The following DGKD variants were observed in gnomAD, a reference collection of about 807,000 sequenced individuals.
DGKD encodes DAG kinase delta.
Under a neutral mutation model 154.4 loss-of-function variants are expected in DGKD, and 68 were observed. That is an observed-to-expected ratio of 0.44 (90% CI 0.36 to 0.54). The LOEUF (loss-of-function observed/expected upper bound fraction) is 0.54. Ranked by LOEUF, DGKD falls within the 20% of genes least tolerant of loss-of-function variation. The pLI is 0.00. For missense variants in DGKD, 1,343 were observed against 1,593.6 expected (o/e 0.84, Z 2.68); for synonymous variants, 693 against 638.0 (o/e 1.09, Z -1.30).
chr2:233,359,704 C>T (rs1701691926), intron 1 of DGKD, among the ~76,000 whole-genome samples: 1 of 152,128 alleles, frequency 6.6e-6, no homozygotes, highest in African/African-American at 2.4e-5. Context: ...TTTTGTATTT[C>T]ACTGGTTCAG....
intron 1 of DGKD, among the ~76,000 whole-genome samples, chr2:233,385,511 G>A (rs1240234716): frequency 2.0e-5 from 3 of 152,180 alleles, no homozygotes; most frequent in Non-Finnish European, 4.4e-5. Context: ...ACGACAGTTG[G>A]CCCTTTTGTT....
chr2:233,395,046 T>C (rs1703917403), intron 3 of DGKD, among the ~76,000 whole-genome samples: 1 of 152,180 alleles, frequency 6.6e-6, no homozygotes, highest in Non-Finnish European at 1.5e-5. Flanking sequence ...ATCTGTCTTA[T>C]TTTAGTCAGA....
chr2:233,376,782 G>A (rs1221091844), intron 1 of DGKD, among the ~76,000 whole-genome samples: 2 of 152,066 alleles, frequency 1.3e-5, no homozygotes, highest in Admixed American at 1.3e-4. Flanking sequence ...TGGATTAAAT[G>A]AGTAATCTTT....
At chr2:233,391,326 TA>T (rs1277340810) in intron 3 of DGKD, among the ~76,000 whole-genome samples, 1 of 152,208 alleles carries the variant, frequency 6.6e-6, no homozygotes, top group Non-Finnish European at 1.5e-5. Context: ...CTACAGTGTT[TA>T]TCTTTATTTC....
intron 1 of DGKD, among the ~76,000 whole-genome samples, chr2:233,371,186 C>T (rs987596382): frequency 1.3e-5 from 2 of 152,104 alleles, no homozygotes; most frequent in Non-Finnish European, 2.9e-5. Flanking sequence ...CATGAGAGTT[C>T]TGATGTTTCC....
chr2:233,415,707 T>C (rs2061943427), intron 3 of DGKD, among the ~76,000 whole-genome samples: 1 of 152,208 alleles, frequency 6.6e-6, no homozygotes, highest in African/African-American at 2.4e-5. Flanking sequence ...CATTGCAGCT[T>C]TGACCTCCTG....
chr2:233,373,146 G>T (rs1254887192), intron 1 of DGKD, among the ~76,000 whole-genome samples: 3 of 152,222 alleles, frequency 2.0e-5, no homozygotes, highest in Non-Finnish European at 4.4e-5. Flanking sequence ...AATGTGCATG[G>T]CTCTCAATGC....
chr2:233,417,721 A>G (rs2061993774), intron 3 of DGKD, among the ~76,000 whole-genome samples: 1 of 152,220 alleles, frequency 6.6e-6, no homozygotes, highest in African/African-American at 2.4e-5. Flanking sequence ...TCTAGATTAA[A>G]CACTATTATA....
At chr2:233,429,709 G>A (rs2062443345) in intron 3 of DGKD, among the ~76,000 whole-genome samples, 2 of 152,246 alleles carry the variant, frequency 1.3e-5, no homozygotes, top group South Asian at 4.1e-4. Context: ...TGTTTGTGGT[G>A]CTCTCAAGCT....
At position 233,360,514 on chromosome 2, in the gene DGKD, T is replaced by C. The variant is rs902712589; in HGVS notation, c.156+5840T>C. Among the ~76,000 whole-genome samples, 7 of 152,134 alleles carry C rather than the reference T, an allele frequency of 4.6e-5. No homozygotes were observed. The East Asian group carries it at 9.6e-4, about 21-fold the overall frequency. ...CTCAAGCGATCCTCCCCCTTTGGCTTCCCAAAGTGCTAGAATTACAGACAT... is the reference window on the plus strand; with the variant it reads ...CTCAAGCGATCCTCCCCCTTTGGCTCCCCAAAGTGCTAGAATTACAGACAT... On this transcript the variant is annotated intron_variant, in intron 1 of 29. Coordinates refer to ENST00000264057, the MANE Select transcript of DGKD (RefSeq NM_152879.3).
chr2:233,447,784 T>C, intron 12 of DGKD: 1 of 1,132,332 alleles, frequency 8.8e-7, no homozygotes. Flanking sequence ...GCTGTCAGGA[T>C]GAGTAGGGGT....
Position 233,459,659 on chromosome 2 carries a change from G to T in DGKD, c.2695-98G>T. On this transcript the variant is annotated intron_variant, in intron 22 of 29. Coordinates refer to ENST00000264057, the MANE Select transcript of DGKD (RefSeq NM_152879.3). The surrounding 1 kb of genome is among the most constrained non-coding windows in gnomAD (Gnocchi z 5.7). ...GTGGGGTGTCCTGCAAGGCAGGGAC[G>T]GGTGTGTGGAGCAGGAAGGTCATGG... The T allele has an allele frequency of 2.0e-6, 3 of 1,491,600 alleles. No individual in the cohort carries two copies. Among genetic ancestry groups the T allele is most frequent in the East Asian group, 4.6e-5 (2 of 43,666 alleles). 92.4% of individuals were successfully genotyped at this position (1,491,600 alleles called of 1,614,324 possible).
chr2:233,375,898 C>T (rs1328434164), intron 1 of DGKD, among the ~76,000 whole-genome samples: 2 of 152,144 alleles, frequency 1.3e-5, no homozygotes, highest in East Asian at 3.8e-4. Flanking sequence ...TGTCAAGTAT[C>T]CCTCTGATGG....
Position 233,449,925 on chromosome 2 carries a change from G to T in DGKD, c.1889-57G>T. The stretch of plus-strand genomic sequence containing the variant: ...GGATGAGGGGCCCTCCACCCAGCCT[G>T]ACAGCGCCCTTGGCTTTGCACCCGC... On this transcript the variant is annotated intron_variant, in intron 15 of 29. Coordinates refer to ENST00000264057, the MANE Select transcript of DGKD (RefSeq NM_152879.3). This position sits in a 1 kb window ranked among gnomAD's most constrained non-coding sequence, Gnocchi z 5.3. The T allele has an allele frequency of 6.6e-7, 1 of 1,516,324 alleles. No individual in the cohort carries two copies. The highest frequency in any genetic ancestry group is 1.3e-5 in the South Asian group (1 of 75,844). The allele number at this position is 1,516,324 out of a possible 1,614,324, so 93.9% of individuals were successfully genotyped here. A position where few individuals can be genotyped will look rare whatever the true frequency, so the allele number is the denominator to read the frequency against.
At chr2:233,466,063 A>G (rs1022589345) in intron 27 of DGKD, among the ~76,000 whole-genome samples, 5 of 152,156 alleles carry the variant, frequency 3.3e-5, no homozygotes, top group Non-Finnish European at 1.5e-5. Context: ...CCAAATAATA[A>G]GCATCTAAAT....
At chr2:233,386,215 G>A in intron 1 of DGKD, 1 of 330,022 alleles carries the variant, frequency 3.0e-6, no homozygotes, top group South Asian at 2.4e-5. Context: ...CCCCACAAAG[G>A]TAAGGAAGAT....
In DGKD at chr2:233,449,774, T is replaced by G. The variant is rs1468203722; in HGVS notation, c.1889-208T>G. ...CCTTCCCCTGCAAGGGTTCCAGACC[T>G]CCCAGCCTGTTAGCAGGGACGCCCT... On this transcript the variant is annotated intron_variant, in intron 15 of 29. Transcript: ENST00000264057. The surrounding 1 kb of genome is among the most constrained non-coding windows in gnomAD (Gnocchi z 5.3). 2.0e-5 allele frequency among the ~76,000 whole-genome samples: 3 copies of G among 151,750 alleles called. No individual in the cohort carries two copies. The highest frequency in any genetic ancestry group is 1.3e-4 in the Admixed American group (2 of 15,270).
rs192404555 is a variant in DGKD at position 233,438,973 on chromosome 2, G to A, written c.1085+594G>A. ...CAAGGCAGGAACACGTAAGGGCGGC[G>A]TTGGGCCAGAGCGATTTCCACTGTG... On this transcript the variant is annotated intron_variant, in intron 9 of 29. Coordinates refer to ENST00000264057, the MANE Select transcript of DGKD (RefSeq NM_152879.3). This position sits in a 1 kb window ranked among gnomAD's most constrained non-coding sequence, Gnocchi z 4.1. Among the ~76,000 whole-genome samples the A allele has an allele frequency of 3.0e-3, 461 of 152,372 alleles. 1 individual carries two copies. The highest frequency in any genetic ancestry group is 3.7e-3 in the African/African-American group (154 of 41,588).
In DGKD at chr2:233,438,664, G is replaced by A. The variant is rs1383368181; in HGVS notation, c.1085+285G>A. On this transcript the variant is annotated intron_variant, in intron 9 of 29. Transcript: ENST00000264057. This position sits in a 1 kb window ranked among gnomAD's most constrained non-coding sequence, Gnocchi z 4.1. Reference sequence around the variant, plus strand: ...CAATCAGGATTCTTCTTTACCTGCCGTTGCACAAATGCCTTCTGTATGTGT... The same window carrying A: ...CAATCAGGATTCTTCTTTACCTGCCATTGCACAAATGCCTTCTGTATGTGT... 2.0e-5 allele frequency among the ~76,000 whole-genome samples: 3 copies of A among 152,160 alleles called. No individual in the cohort carries two copies. The highest frequency in any genetic ancestry group is 1.9e-4 in the East Asian group (1 of 5,194).
Sources: allele counts gnomAD v4.1 joint callset (sites outside exome capture counted in the v4.1 genomes callset), GRCh38; gene constraint gnomAD v4.1.1; non-coding constraint Gnocchi (gnomAD v3.1); transcripts MANE v1.5; gene names NCBI Gene and HGNC (gene_info 2026-07-23, HGNC 2026-07-21).